Variants in NOL8 observed in about 807,000 individuals in gnomAD.
NOL8 encodes nucleolar protein 8.
NOL8 carries 93 observed loss-of-function variants against 116.1 expected under a neutral mutation model. The observed-to-expected ratio is 0.80, with a 90% CI of 0.68 to 0.95. The LOEUF (loss-of-function observed/expected upper bound fraction) is 0.95. NOL8 is among the 40% of genes least tolerant of loss of function. The pLI is 0.00. For synonymous variants in NOL8, 419 were observed against 469.0 expected (o/e 0.89, Z 1.38); for missense variants, 1,291 against 1,382.8 (o/e 0.93, Z 1.05).
chr9:92,324,308 G>T, intron 1 of NOL8, 99 bp from the exon 2 acceptor site: 1 of 950,946 alleles, frequency 1.1e-6, no homozygotes, highest in Non-Finnish European at 1.6e-6. Context: ...TCCTGGATCT[G>T]TATTTCACTT....
chr9:92,304,946 C>T, intron 12 of NOL8, among the ~76,000 whole-genome samples: 1 of 151,910 alleles, frequency 6.6e-6, no homozygotes, highest in East Asian at 1.9e-4. Context: ...AGGATTTAAA[C>T]CAAGCTGCTA....
intron 9 of NOL8, 56 bp from the exon 10 acceptor site, chr9:92,310,317 T>C (rs1587971588): frequency 6.9e-7 from 1 of 1,456,988 alleles, no homozygotes; most frequent in Non-Finnish European, 9.5e-7. Context: ...AAATTGCTTC[T>C]GACGAAGACT....
Position 92,316,103 on chromosome 9 carries a change from G to A in NOL8, c.522C>T (p.Asn174=). 2 of 1,613,836 alleles carry A rather than the reference G, an allele frequency of 1.2e-6. No homozygotes were observed. The highest frequency in any genetic ancestry group is 1.7e-6 in the Non-Finnish European group (2 of 1,179,834). Residue 174 remains asparagine, a synonymous_variant, in exon 7 of 17, where the codon AAC becomes AAT. Coordinates refer to ENST00000442668, the MANE Select transcript of NOL8 (RefSeq NM_017948.6). ...IKYDPSKYCH[N]LKKIGEDFSN... is the part of the protein sequence containing the mutation. Reference sequence around the variant, plus strand: ...AGAAATCCTCCCCTATCTTCTTCAGGTTGTGGCAGTATTTTGAGGGATCAT... The same window carrying A: ...AGAAATCCTCCCCTATCTTCTTCAGATTGTGGCAGTATTTTGAGGGATCAT...
chr9:92,311,229 T>A lies in NOL8; in HGVS notation c.2389A>T (p.Ile797Phe). 2 of 1,613,898 alleles carry A rather than the reference T, an allele frequency of 1.2e-6. No individual in the cohort carries two copies. Among genetic ancestry groups the A allele is most frequent in the South Asian group, 1.1e-5 (1 of 91,064 alleles). The change falls in exon 8 of 17, where the codon ATC becomes TTC. Residue 797 changes from isoleucine (I) to phenylalanine (F), a missense_variant. Transcript: ENST00000442668. ...CATTCACTGTCAGAACCGAAGATGA[T>A]GTGCGTTGGCTTATCCTCTGGATGA... ...DGHPEDKPTH[I>F]IFGSDSECET...
intron 4 of NOL8, 116 bp downstream of exon 4, chr9:92,321,547 ACTTAT>A (rs1839925516): frequency 1.7e-6 from 1 of 598,286 alleles, no homozygotes; most frequent in African/African-American, 4.0e-5. Flanking sequence ...TTTCAGCTCT[ACTTAT>A]ATGTTTGAAT....
chr9:92,323,142 T>C (rs1840060257), intron 3 of NOL8: 1 of 415,704 alleles, frequency 2.4e-6, no homozygotes, highest in Non-Finnish European at 4.3e-6. Flanking sequence ...GAATGTGGCA[T>C]GATATTCAGT....
At chr9:92,317,202 A>AT (rs1368494430) in intron 6 of NOL8, among the ~76,000 whole-genome samples, 2 of 152,146 alleles carry the variant, frequency 1.3e-5, no homozygotes, top group African/African-American at 2.4e-5. Context: ...GGCTCAAGTG[A>AT]TCCCCCAGTG....
At chr9:92,298,456 T>A in intron 15 of NOL8, 120 bp from the exon 16 acceptor site, 1 of 598,132 alleles carries the variant, frequency 1.7e-6, no homozygotes, top group Non-Finnish European at 2.9e-6. Context: ...TCCCTCAGTT[T>A]CTACCTATTT....
chr9:92,316,189 A>G, intron 6 of NOL8, 51 bp from the exon 7 acceptor site: 2 of 1,540,584 alleles, frequency 1.3e-6, no homozygotes, highest in Non-Finnish European at 1.8e-6. Flanking sequence ...AGGAAAACTC[A>G]TCAATCTTTG....
chr9:92,308,119 G>C (rs1838440729), intron 10 of NOL8, among the ~76,000 whole-genome samples: 2 of 152,132 alleles, frequency 1.3e-5, no homozygotes, highest in African/African-American at 4.8e-5. Flanking sequence ...CTGGTGCAGT[G>C]GTTCCATGCC....
chr9:92,299,013 A>T, intron 14 of NOL8, 59 bp from the exon 15 acceptor site: 1 of 821,096 alleles, frequency 1.2e-6, no homozygotes, highest in African/African-American at 1.8e-5. Flanking sequence ...TAATTTCAAT[A>T]TTTAAGAAGA....
At chr9:92,310,397 G>T in intron 9 of NOL8, 136 bp from the exon 10 acceptor site, 1 of 1,153,966 alleles carries the variant, frequency 8.7e-7, no homozygotes, top group Non-Finnish European at 1.3e-6. Flanking sequence ...ATCTACTTAT[G>T]AACCAATCAG....
rs1173024511 is a variant in NOL8 at position 92,298,904 on chromosome 9, T to C, written c.3353A>G (p.Lys1118Arg). 1 of 1,538,844 alleles carries C rather than the reference T, an allele frequency of 6.5e-7. No individual in the cohort carries two copies. Among genetic ancestry groups the C allele is most frequent in the East Asian group, 2.4e-5 (1 of 41,010 alleles). ...KETTRFFFFS[K>R]NDERLQGSDL... The stretch of plus-strand genomic sequence containing the variant: ...CTGACCTTGAAGTCGTTCATCATTC[T>C]TAGAGAAAAAGAAAAATCTAGTGGT... The change falls in exon 15 of 17, where the codon AAG (lysine) becomes AGG (arginine). Residue 1118 changes from lysine to arginine, a missense_variant. By Grantham distance (26) the Lys-to-Arg change is conservative. Coordinates refer to ENST00000442668, the MANE Select transcript of NOL8 (RefSeq NM_017948.6).
At chr9:92,301,880 A>G (rs1008423300) in intron 12 of NOL8, 58 bp from the exon 13 acceptor site, 12 of 1,431,482 alleles carry the variant, frequency 8.4e-6, no homozygotes, top group Non-Finnish European at 1.1e-5. Flanking sequence ...GGAAATTTCC[A>G]GAAATCAAGA....
intron 5 of NOL8, chr9:92,318,980 A>G (rs531686895): frequency 9.5e-5 from 49 of 515,294 alleles, no homozygotes; most frequent in Admixed American, 2.7e-4. Flanking sequence ...CTTGCTACCT[A>G]TGTCCCTTGA....
rs770813791 is a variant in NOL8, at chr9:92,324,208, T to C, written c.-47A>G. On this transcript the variant is annotated splice_region_variant and 5_prime_UTR_variant, in exon 2 of 17. Coordinates refer to ENST00000442668, the MANE Select transcript of NOL8 (RefSeq NM_017948.6). ...GTGTGTTTCAGTGGGAAAAGTAATT[T>C]TCTGTATACAGAGAAGAGTTCTTTC... The C allele has an allele frequency of 3.1e-5, 49 of 1,585,914 alleles. No homozygotes were observed. The highest frequency in any genetic ancestry group is 4.0e-5 in the Non-Finnish European group (47 of 1,164,620).
intron 12 of NOL8, among the ~76,000 whole-genome samples, chr9:92,302,280 G>C (rs6479417): frequency 0.48 from 72,281 of 152,026 alleles, 20,709 homozygotes; most frequent in African/African-American, 0.81. Flanking sequence ...TATGTATAGT[G>C]TCTTTTGAAA....
chr9:92,308,446 AG>A (rs1366559984), intron 10 of NOL8, among the ~76,000 whole-genome samples: 1 of 152,222 alleles, frequency 6.6e-6, no homozygotes, highest in Admixed American at 6.5e-5. Context: ...CAACGCAGAA[AG>A]GTTAAGAAGA....
At chr9:92,313,286 G>A (rs576740804) in intron 7 of NOL8, among the ~76,000 whole-genome samples, 13 of 152,196 alleles carry the variant, frequency 8.5e-5, no homozygotes, top group African/African-American at 2.2e-4. Context: ...AGACGGAGCC[G>A]TTCGATTTGT....
Sources: allele counts gnomAD v4.1 joint callset (sites outside exome capture counted in the v4.1 genomes callset), GRCh38; gene constraint gnomAD v4.1.1; transcripts MANE v1.5; gene names NCBI Gene and HGNC (gene_info 2026-07-23, HGNC 2026-07-21).